Variants in PRRT3 observed in about 807,000 individuals in gnomAD.
PRRT3 encodes proline-rich transmembrane protein 3.
A neutral mutation model predicts 56.6 loss-of-function variants in PRRT3; 48 were observed. The ratio of observed to expected loss-of-function variants is 0.85; its 90% CI spans 0.67 to 1.08. The LOEUF (loss-of-function observed/expected upper bound fraction) is 1.08. Among genes scored for constraint, PRRT3 ranks in the 50% least tolerant of loss-of-function variants. PRRT3 has a pLI of 0.00. For missense variants in PRRT3, 1,370 were observed against 1,353.1 expected (o/e 1.01, Z -0.20); for synonymous variants, 641 against 619.1 (o/e 1.04, Z -0.52).
chr3:9,947,931 C>T lies in PRRT3; in HGVS notation c.1242G>A (p.Thr414=). 2.8e-6 allele frequency: 4 copies of T among 1,409,212 alleles called. No individual in the cohort carries two copies. The highest frequency in any genetic ancestry group is 1.7e-5 in the South Asian group (1 of 57,516). The allele number at this position is 1,409,212 out of a possible 1,614,324, so 87.3% of individuals were successfully genotyped here. A position where few individuals can be genotyped will look rare whatever the true frequency, so the allele number is the denominator to read the frequency against. The change falls in exon 4 of 4, where the codon ACG becomes ACA. Residue 414 remains threonine (T), a synonymous_variant. Coordinates refer to ENST00000412055, the MANE Select transcript of PRRT3 (RefSeq NM_207351.5). This position sits in a 1 kb window ranked among gnomAD's most constrained non-coding sequence, Gnocchi z 9.2. Reference sequence around the variant, plus strand: ...TGACTCGAATGAGGCCCCGGCGTGACGTCGAGGGGGCCTGGACTGGGGGTG... The same window carrying T: ...TGACTCGAATGAGGCCCCGGCGTGATGTCGAGGGGGCCTGGACTGGGGGTG... ...PPAPPVQAPS[T]SRRGLIRVTT...
Position 9,947,366 on chromosome 3 carries a change from C to A in PRRT3, c.1807G>T (p.Gly603Cys). The A allele has an allele frequency of 6.2e-7, 1 of 1,611,626 alleles. No homozygotes were observed. Among genetic ancestry groups the A allele is most frequent in the Non-Finnish European group, 8.5e-7 (1 of 1,179,378 alleles). Residue 603 changes from glycine (G) to cysteine (C), a missense_variant, in exon 4 of 4, where the codon GGC (glycine) becomes TGC (cysteine). Gly to Cys is a radical substitution (Grantham distance 159). Transcript: ENST00000412055. The surrounding 1 kb of genome is among the most constrained non-coding windows in gnomAD (Gnocchi z 9.2). ...TWSVLNLLTQ[G>C]LSCAWGAAVA... is the part of the protein sequence containing the mutation. ...GCCGCGCCCCAGGCGCACGACAAGCCCTGCGTCAGGAGGTTGAGCACAGAC... is the reference window on the plus strand; with the variant it reads ...GCCGCGCCCCAGGCGCACGACAAGCACTGCGTCAGGAGGTTGAGCACAGAC...
At position 9,949,741 on chromosome 3, in the gene PRRT3, G is replaced by C. The variant is rs76098202; in HGVS notation, c.375C>G (p.His125Gln). The C allele has an allele frequency of 6.2e-7, 1 of 1,614,052 alleles. No individual in the cohort carries two copies. Among genetic ancestry groups the C allele is most frequent in the Non-Finnish European group, 8.5e-7 (1 of 1,180,034 alleles). Residue 125 changes from histidine (H) to glutamine (Q), a missense_variant, in exon 2 of 4, where the codon CAC (histidine) becomes CAG (glutamine). By Grantham distance (24) the His-to-Gln change is conservative. Transcript: ENST00000412055. This position sits in a 1 kb window ranked among gnomAD's most constrained non-coding sequence, Gnocchi z 4.5. ...DLQMAQGPSS[H>Q]GWTGPLDSQE... The stretch of plus-strand genomic sequence containing the variant: ...GTGAGTCCAGAGGTCCTGTCCAGCC[G>C]TGGGAGCTTGGTCCTTGAGCCATCT...
rs1280150454 is a variant in PRRT3 at position 9,947,926 on chromosome 3, C to T, written c.1247G>A (p.Arg416His). 20 of 1,410,028 alleles carry T rather than the reference C, an allele frequency of 1.4e-5. No individual in the cohort carries two copies. Among genetic ancestry groups the T allele is most frequent in the Non-Finnish European group, 1.7e-5 (19 of 1,086,030 alleles). 87.3% of individuals were successfully genotyped at this position (1,410,028 alleles called of 1,614,324 possible). The change falls in exon 4 of 4, where the codon CGC (arginine) becomes CAC (histidine). Residue 416 changes from arginine to histidine, a missense_variant. Transcript: ENST00000412055. This position sits in a 1 kb window ranked among gnomAD's most constrained non-coding sequence, Gnocchi z 9.2. The stretch of plus-strand genomic sequence containing the variant: ...CGTGGTGACTCGAATGAGGCCCCGG[C>T]GTGACGTCGAGGGGGCCTGGACTGG... ...APPVQAPSTS[R>H]RGLIRVTTQR... is the part of the protein sequence containing the mutation.
rs1178757494 is a variant in PRRT3, at chr3:9,946,458, G to A, written c.2715C>T (p.Asp905=). The change falls in exon 4 of 4, where the codon GAC becomes GAT. Residue 905 remains aspartate, a synonymous_variant. Coordinates refer to ENST00000412055, the MANE Select transcript of PRRT3 (RefSeq NM_207351.5). This position sits in a 1 kb window ranked among gnomAD's most constrained non-coding sequence, Gnocchi z 4.1. ...AAAAASGSSL[D]SFSRGSLKIS... ...TCTTGAGTGAACCCCTGGAGAAGCT[G>A]TCGAGGGAGCTGCCAGAAGCCGCAG... 10 of 1,572,926 alleles carry A rather than the reference G, an allele frequency of 6.4e-6. No homozygotes were observed. The highest frequency in any genetic ancestry group is 1.7e-4 in the Middle Eastern group (1 of 6,006).
rs537988611 is a variant in PRRT3, at chr3:9,949,569, GTGGCCACTGTCCCTCT to G, written c.531_546del (p.Gln177HisfsTer7). ...TTGGCCTTCAGACCCTCATCTCTAG[GTGGCCACTGTCCCTCT>G]TGGCCTTCATGCTGCAGGGAGGGAG... On this transcript the variant is annotated frameshift_variant, in exon 2 of 4. Coordinates refer to ENST00000412055, the MANE Select transcript of PRRT3 (RefSeq NM_207351.5). LOFTEE classifies it high-confidence loss of function. The surrounding 1 kb of genome is among the most constrained non-coding windows in gnomAD (Gnocchi z 4.5). The G allele has an allele frequency of 6.2e-7, 1 of 1,614,104 alleles. No homozygotes were observed. Among genetic ancestry groups the G allele is most frequent in the East Asian group, 2.2e-5 (1 of 44,878 alleles).
Position 9,947,908 on chromosome 3 carries a change from A to G in PRRT3, c.1265T>C (p.Val422Ala), listed in dbSNP as rs1340731533. Residue 422 changes from valine to alanine, a missense_variant, in exon 4 of 4, where the codon GTC becomes GCC. Transcript: ENST00000412055. The surrounding 1 kb of genome is among the most constrained non-coding windows in gnomAD (Gnocchi z 9.2). The stretch of plus-strand genomic sequence containing the variant: ...CTGGCCCAGGGCTCGCTGCGTGGTG[A>G]CTCGAATGAGGCCCCGGCGTGACGT... ...PSTSRRGLIR[V>A]TTQRALGQPP... The G allele has an allele frequency of 1.8e-5, 26 of 1,417,370 alleles. No individual in the cohort carries two copies. The highest frequency in any genetic ancestry group is 2.4e-5 in the Non-Finnish European group (26 of 1,088,264). 87.8% of individuals were successfully genotyped at this position (1,417,370 alleles called of 1,614,324 possible). A position where few individuals can be genotyped will look rare whatever the true frequency, so the allele number is the denominator to read the frequency against.
rs1429180539 is a variant in PRRT3 at position 9,946,773 on chromosome 3, G to A, written c.2400C>T (p.Ser800=). The A allele has an allele frequency of 1.3e-6, 2 of 1,543,698 alleles. No homozygotes were observed. Among genetic ancestry groups the A allele is most frequent in the Non-Finnish European group, 1.7e-6 (2 of 1,153,460 alleles). Residue 800 remains serine (S), a synonymous_variant, in exon 4 of 4, where the codon AGC becomes AGT. Coordinates refer to ENST00000412055, the MANE Select transcript of PRRT3 (RefSeq NM_207351.5). This position sits in a 1 kb window ranked among gnomAD's most constrained non-coding sequence, Gnocchi z 4.1. ...RNGVGPAPSL[S]ELDLRPPSPI... is the part of the protein sequence containing the mutation. ...GCGATGGCGGCCGCAGATCCAGCTC[G>A]CTCAGCGATGGCGCCGGTCCCACAC...
rs1488271688 is a variant in PRRT3 at position 9,946,325 on chromosome 3, A to C, written c.2848T>G (p.Ser950Ala). The change falls in exon 4 of 4, where the codon TCT becomes GCT. Residue 950 changes from serine to alanine, a missense_variant. Transcript: ENST00000412055. The surrounding 1 kb of genome is among the most constrained non-coding windows in gnomAD (Gnocchi z 4.1). ...LLPAPTPAPD[S>A]TAARQGDGQG... ...CCGTCCCCCTGCCGAGCGGCGGTAG[A>C]ATCAGGGGCTGGGGTCGGGGCAGGC... The C allele has an allele frequency of 1.2e-6, 2 of 1,612,418 alleles. No homozygotes were observed. The highest frequency in any genetic ancestry group is 2.2e-5 in the South Asian group (2 of 90,928).
Position 9,949,125 on chromosome 3 carries a change from C to T in PRRT3, c.991G>A (p.Ala331Thr), listed in dbSNP as rs147199463. Residue 331 changes from alanine to threonine, a missense_variant, in exon 2 of 4, where the codon GCT becomes ACT. Physicochemically the swap from Ala to Thr is moderately conservative, Grantham distance 58. Transcript: ENST00000412055. The surrounding 1 kb of genome is among the most constrained non-coding windows in gnomAD (Gnocchi z 4.5). Reference protein sequence around the residue: ...PQPTDPPASEAPDRPSKPERA... With the variant: ...PQPTDPPASETPDRPSKPERA... ...CCTGGCTTAGACGGCCGATCAGGAG[C>T]CTCTGAGGCGGGTGGATCCGTGGGC... 6.2e-7 allele frequency: 1 copy of T among 1,609,478 alleles called. No homozygotes were observed. The highest frequency in any genetic ancestry group is 2.2e-5 in the East Asian group (1 of 44,876).
chr3:9,945,917 C>T lies in PRRT3; in HGVS notation c.*310G>A, dbSNP rs1187189673. ...TGGCGTGGTCTCGGCTCACTGCAAC[C>T]TCTGCCTCCCTGTTCAAGCAATTCT... On this transcript the variant is annotated 3_prime_UTR_variant, in exon 4 of 4. Coordinates refer to ENST00000412055, the MANE Select transcript of PRRT3 (RefSeq NM_207351.5). 10 of 213,664 alleles carry T rather than the reference C, an allele frequency of 4.7e-5. No homozygotes were observed. The highest frequency in any genetic ancestry group is 1.8e-3 in the Middle Eastern group (1 of 546). 13.2% of individuals were successfully genotyped at this position (213,664 alleles called of 1,614,324 possible).
intron 1 of PRRT3, among the ~76,000 whole-genome samples, chr3:9,951,495 C>G (rs2085619156): frequency 6.6e-6 from 1 of 152,192 alleles, no homozygotes; most frequent in Admixed American, 6.5e-5. Flanking sequence ...TCCCATCCTC[C>G]AAACTCGAGT....
At position 9,947,184 on chromosome 3, in the gene PRRT3, C is replaced by T. The variant is rs200215469; in HGVS notation, c.1989G>A (p.Pro663=). ...AGAAGCGGCCCACGCGGCCTGGGCC[C>T]GGGTACAGCCAGAGCGCAGCCGCCA... ...LQLAAALWLY[P]GPGRVGRFSW... The change falls in exon 4 of 4, where the codon CCG becomes CCA. Residue 663 remains proline, a synonymous_variant. Transcript: ENST00000412055. The surrounding 1 kb of genome is among the most constrained non-coding windows in gnomAD (Gnocchi z 9.2). 3 of 1,529,528 alleles carry T rather than the reference C, an allele frequency of 2.0e-6. No homozygotes were observed. Among genetic ancestry groups the T allele is most frequent in the African/African-American group, 2.8e-5 (2 of 71,918 alleles). 94.7% of individuals were successfully genotyped at this position (1,529,528 alleles called of 1,614,324 possible). A position where few individuals can be genotyped will look rare whatever the true frequency, so the allele number is the denominator to read the frequency against.
chr3:9,947,284 C>G lies in PRRT3; in HGVS notation c.1889G>C (p.Gly630Ala), dbSNP rs1385134956. Residue 630 changes from glycine (G) to alanine (A), a missense_variant, in exon 4 of 4, where the codon GGC becomes GCC. Coordinates refer to ENST00000412055, the MANE Select transcript of PRRT3 (RefSeq NM_207351.5). The surrounding 1 kb of genome is among the most constrained non-coding windows in gnomAD (Gnocchi z 9.2). ...CCGAGGGCCCGGGCTGGCATCCCAG[C>G]CCCGTGGGCCGTCCAGCAGGCGGCG... is the stretch of plus-strand genomic sequence containing the variant. The part of the protein sequence containing the change: ...CRRRLLDGPR[G>A]WDASPGPRLL... 1 of 1,549,498 alleles carries G rather than the reference C, an allele frequency of 6.5e-7. No homozygotes were observed. Among genetic ancestry groups the G allele is most frequent in the African/African-American group, 1.4e-5 (1 of 72,130 alleles).
At position 9,949,355 on chromosome 3, in the gene PRRT3, G is replaced by A; in HGVS notation, c.761C>T (p.Ser254Leu). ...QQDPAAPDVG[S>L]VPPVEVVYSQ... ...GTACACCACCTCAACTGGGGGTACTGAGCCAACATCAGGGGCTGCTGGATC... is the reference window on the plus strand; with the variant it reads ...GTACACCACCTCAACTGGGGGTACTAAGCCAACATCAGGGGCTGCTGGATC... Residue 254 changes from serine to leucine, a missense_variant, in exon 2 of 4, where the codon TCA becomes TTA. Ser to Leu is a moderately radical substitution (Grantham distance 145). Coordinates refer to ENST00000412055, the MANE Select transcript of PRRT3 (RefSeq NM_207351.5). This position sits in a 1 kb window ranked among gnomAD's most constrained non-coding sequence, Gnocchi z 4.5. 4.3e-6 allele frequency: 7 copies of A among 1,614,216 alleles called. No homozygotes were observed. The highest frequency in any genetic ancestry group is 5.9e-6 in the Non-Finnish European group (7 of 1,180,042).
Position 9,946,829 on chromosome 3 carries a change from G to T in PRRT3, c.2344C>A (p.Pro782Thr). 6.5e-7 allele frequency: 1 copy of T among 1,541,970 alleles called. No homozygotes were observed. The highest frequency in any genetic ancestry group is 8.7e-7 in the Non-Finnish European group (1 of 1,150,258). Residue 782 changes from proline to threonine, a missense_variant, in exon 4 of 4, where the codon CCC becomes ACC. Pro to Thr is a conservative substitution (Grantham distance 38). Coordinates refer to ENST00000412055, the MANE Select transcript of PRRT3 (RefSeq NM_207351.5). This position sits in a 1 kb window ranked among gnomAD's most constrained non-coding sequence, Gnocchi z 4.1. Reference sequence around the variant, plus strand: ...CGGGACAGTCCCGGGCCACCCTGGGGTCCGCGACCCAACGACGCAGCCGAG... The same window carrying T: ...CGGGACAGTCCCGGGCCACCCTGGGTTCCGCGACCCAACGACGCAGCCGAG... ...WGSAASLGRG[P>T]QGGPGLSRNG...
In PRRT3 at chr3:9,947,787, G is replaced by A. The variant is rs575712795; in HGVS notation, c.1386C>T (p.Pro462=). ...AGGAGAAGCTCAGGACCCGCCGAAGGGGGCCCCAGCGTAGCGGGGGTGCAG... is the reference window on the plus strand; with the variant it reads ...AGGAGAAGCTCAGGACCCGCCGAAGAGGGCCCCAGCGTAGCGGGGGTGCAG... ...NATAPPLRWG[P]LRRVLSFSWE... is the part of the protein sequence containing the mutation. Residue 462 remains proline (P), a synonymous_variant, in exon 4 of 4, where the codon CCC becomes CCT. Transcript: ENST00000412055. This position sits in a 1 kb window ranked among gnomAD's most constrained non-coding sequence, Gnocchi z 9.2. The A allele has an allele frequency of 4.8e-6, 7 of 1,467,808 alleles. No homozygotes were observed. In the African/African-American group the frequency reaches 1.0e-4, roughly 21 times the overall value. 90.9% of individuals were successfully genotyped at this position (1,467,808 alleles called of 1,614,324 possible).
rs374473836 is a variant in PRRT3, at chr3:9,949,711, C to G, written c.405G>C (p.Glu135Asp). ...GAGCCACTGCTTCTTGCTGCAGAAG[C>G]TCTTGTGAGTCCAGAGGTCCTGTCC... ...HGWTGPLDSQELLQQEAVAPH... is the reference protein window; with the variant it reads ...HGWTGPLDSQDLLQQEAVAPH... The change falls in exon 2 of 4, where the codon GAG (glutamate) becomes GAC (aspartate). Residue 135 changes from glutamate (E) to aspartate (D), a missense_variant. Glu to Asp is a conservative substitution (Grantham distance 45). Coordinates refer to ENST00000412055, the MANE Select transcript of PRRT3 (RefSeq NM_207351.5). The surrounding 1 kb of genome is among the most constrained non-coding windows in gnomAD (Gnocchi z 4.5). 6.3e-5 allele frequency: 102 copies of G among 1,614,046 alleles called. No individual in the cohort carries two copies. Among genetic ancestry groups the G allele is most frequent in the Non-Finnish European group, 8.5e-5 (100 of 1,180,034 alleles).
At position 9,949,742 on chromosome 3, in the gene PRRT3, T is replaced by G. The variant is rs1341529053; in HGVS notation, c.374A>C (p.His125Pro). ...TGAGTCCAGAGGTCCTGTCCAGCCG[T>G]GGGAGCTTGGTCCTTGAGCCATCTG... ...DLQMAQGPSS[H>P]GWTGPLDSQE... The change falls in exon 2 of 4, where the codon CAC (histidine) becomes CCC (proline). Residue 125 changes from histidine (H) to proline (P), a missense_variant. Coordinates refer to ENST00000412055, the MANE Select transcript of PRRT3 (RefSeq NM_207351.5). The surrounding 1 kb of genome is among the most constrained non-coding windows in gnomAD (Gnocchi z 4.5). 20 of 1,614,130 alleles carry G rather than the reference T, an allele frequency of 1.2e-5. No individual in the cohort carries two copies. Among genetic ancestry groups the G allele is most frequent in the Non-Finnish European group, 1.6e-5 (19 of 1,180,022 alleles).
In PRRT3 at chr3:9,948,792, G is replaced by C. The variant is rs1456849167; in HGVS notation, c.1137C>G (p.Asn379Lys). The C allele has an allele frequency of 6.2e-7, 1 of 1,613,996 alleles. No homozygotes were observed. The highest frequency in any genetic ancestry group is 8.5e-7 in the Non-Finnish European group (1 of 1,179,970). The change falls in exon 3 of 4, where the codon AAC (asparagine) becomes AAG (lysine). Residue 379 changes from asparagine (N) to lysine (K), a missense_variant. Transcript: ENST00000412055. Reference protein sequence around the residue: ...PGPSDPGPAVNRTESPMGALQ... With the variant: ...PGPSDPGPAVKRTESPMGALQ... ...GGGCCCCCATGGGGCTCTCTGTTCG[G>C]TTTACAGCTGGGCCAGGGTCTGAGG...
Sources: allele counts gnomAD v4.1 joint callset (sites outside exome capture counted in the v4.1 genomes callset), GRCh38; gene constraint gnomAD v4.1.1; non-coding constraint Gnocchi (gnomAD v3.1); transcripts MANE v1.5; gene names NCBI Gene and HGNC (gene_info 2026-07-23, HGNC 2026-07-21).